The following AP4M1 variants were observed in gnomAD, a reference collection of about 807,000 sequenced individuals.
AP4M1 encodes AP-4 complex subunit mu-1.
In AP4M1, 58 loss-of-function variants were observed where a neutral mutation model predicts 62.4. The observed-to-expected ratio is 0.93, with a 90% CI of 0.75 to 1.16. The LOEUF is 1.16. AP4M1 is among the 50% of genes most tolerant of loss of function. The pLI, the probability that AP4M1 is intolerant of heterozygous loss-of-function variation, is 0.00. For synonymous variants in AP4M1, 290 were observed against 239.7 expected (o/e 1.21, Z -1.94); for missense variants, 626 against 585.4 (o/e 1.07, Z -0.72).
At chr7:100,102,409 GA>G (rs34378459) in intron 2 of AP4M1, 59,115 of 312,596 alleles carry the variant, frequency 0.19, 10 homozygotes, top group South Asian at 0.26. Flanking sequence ...TGGGGGTGGG[GA>G]AAAAAAAAAA....
At chr7:100,101,427 G>C, upstream of AP4M1, 1 of 1,243,508 alleles carries the variant, frequency 8.0e-7, no homozygotes, top group Non-Finnish European at 1.1e-6. Context: ...CACGTGACCG[G>C]CGCCACTGCG....
chr7:100,105,632 G>A (rs552922978), intron 11 of AP4M1, 93 bp downstream of exon 11: 5 of 1,302,402 alleles, frequency 3.8e-6, no homozygotes, highest in South Asian at 2.4e-5. Context: ...GGTGGTGGTA[G>A]TGGTGATGGA....
rs566928011 is a variant in AP4M1 at position 100,106,895 on chromosome 7, G to A, written c.*13G>A. ...CATTCGGATCTGAGGCTCCCCAAAC[G>A]AGGACACGACGGCCAAGGTGGCAGT... is the stretch of plus-strand genomic sequence containing the variant. On this transcript the variant is annotated 3_prime_UTR_variant, in exon 15 of 15. Coordinates refer to ENST00000359593, the MANE Select transcript of AP4M1 (RefSeq NM_004722.4). 15 of 1,609,946 alleles carry A rather than the reference G, an allele frequency of 9.3e-6. No individual in the cohort carries two copies. The highest frequency in any genetic ancestry group is 1.7e-4 in the Middle Eastern group (1 of 6,054).
Position 100,106,739 on chromosome 7 carries a change from C to A in AP4M1, c.1219C>A (p.Leu407Ile), listed in dbSNP as rs753224045. ...ASPLGLGPAS[L>I]SFELPRHTCS... ...TCCTCTGGGGCTGGGCCCTGCCAGTCTCTCCTTCGAGCTTCCCCGGCACAC... is the reference window on the plus strand; with the variant it reads ...TCCTCTGGGGCTGGGCCCTGCCAGTATCTCCTTCGAGCTTCCCCGGCACAC... Residue 407 changes from leucine (L) to isoleucine (I), a missense_variant, in exon 15 of 15, where the codon CTC becomes ATC. Physicochemically the swap from Leu to Ile is conservative, Grantham distance 5. Coordinates refer to ENST00000359593, the MANE Select transcript of AP4M1 (RefSeq NM_004722.4). The A allele has an allele frequency of 6.2e-7, 1 of 1,613,912 alleles. No homozygotes were observed. Among genetic ancestry groups the A allele is most frequent in the African/African-American group, 1.3e-5 (1 of 74,948 alleles).
At position 100,106,457 on chromosome 7, in the gene AP4M1, C is replaced by G; in HGVS notation, c.1080C>G (p.Ala360=). 6.2e-7 allele frequency: 1 copy of G among 1,613,896 alleles called. No individual in the cohort carries two copies. The highest frequency in any genetic ancestry group is 8.5e-7 in the Non-Finnish European group (1 of 1,180,026). ...AGAAGGCTGAGCTGGCAGAGGGAGCCCTTCGCTGGGACCTGCCTCGGGTGC... is the reference window on the plus strand; with the variant it reads ...AGAAGGCTGAGCTGGCAGAGGGAGCGCTTCGCTGGGACCTGCCTCGGGTGC... ...PEQKAELAEG[A]LRWDLPRVQG... The change falls in exon 14 of 15, where the codon GCC becomes GCG. Residue 360 remains alanine, a synonymous_variant. Coordinates refer to ENST00000359593, the MANE Select transcript of AP4M1 (RefSeq NM_004722.4).
upstream of AP4M1, chr7:100,100,854 C>A (rs569269175): frequency 2.9e-6 from 3 of 1,024,428 alleles, no homozygotes; most frequent in African/African-American, 5.1e-5. Flanking sequence ...CCCGGCCTGC[C>A]CGCCCCCGGG....
Position 100,106,309 on chromosome 7 carries a change from C to T in AP4M1, c.1025+18C>T, listed in dbSNP as rs564374608. The stretch of plus-strand genomic sequence containing the variant: ...GTGGTCAGGTGAGTGTGTGCACCCA[C>T]CACGGGGAGATTCCTGGGGAGAGAG... On this transcript the variant is annotated intron_variant, in intron 13 of 14. Coordinates refer to ENST00000359593, the MANE Select transcript of AP4M1 (RefSeq NM_004722.4). The T allele has an allele frequency of 1.2e-6, 2 of 1,613,892 alleles. No homozygotes were observed. The highest frequency in any genetic ancestry group is 2.2e-5 in the South Asian group (2 of 91,072).
In AP4M1 at chr7:100,101,932, G is replaced by T. The variant is rs761822316; in HGVS notation, c.111G>T (p.Leu37=). 2 of 1,613,072 alleles carry T rather than the reference G, an allele frequency of 1.2e-6. No individual in the cohort carries two copies. The highest frequency in any genetic ancestry group is 2.7e-5 in the African/African-American group (2 of 74,924). The part of the protein sequence containing the change: ...RDVAELFYRK[L]TGLPGDESPV... ...TGGCCGAGCTCTTCTACCGGAAGCT[G>T]ACGGGACTGCCAGGAGACGAGTCCC... Residue 37 remains leucine (L), a synonymous_variant, in exon 2 of 15, where the codon CTG becomes CTT. Coordinates refer to ENST00000359593, the MANE Select transcript of AP4M1 (RefSeq NM_004722.4).
rs1406077522 is a variant in AP4M1, at chr7:100,107,212, A to G, written c.*330A>G. On this transcript the variant is annotated 3_prime_UTR_variant, in exon 15 of 15. Transcript: ENST00000359593. ...TACGTGCACGTGTGTACATGTCTGC[A>G]TGTGTGGGAATCCGGGGGCTGGCAG... 1.3e-6 allele frequency: 2 copies of G among 1,518,440 alleles called. No homozygotes were observed. The highest frequency in any genetic ancestry group is 1.4e-5 in the African/African-American group (1 of 71,676). The allele number at this position is 1,518,440 out of a possible 1,614,324, so 94.1% of individuals were successfully genotyped here. A position where few individuals can be genotyped will look rare whatever the true frequency, so the allele number is the denominator to read the frequency against.
At position 100,108,551 on chromosome 7, in the gene AP4M1, G is replaced by GA. The variant is rs934943423; in HGVS notation, c.*1676dup. The GA allele has an allele frequency of 1.3e-6, 2 of 1,582,426 alleles. No individual in the cohort carries two copies. Among genetic ancestry groups the GA allele is most frequent in the East Asian group, 4.5e-5 (2 of 44,162 alleles). ...AGGAGCACAGTGTTTCTGCAGAACA[G>GA]AAAAAAAGCCAGGTAGAGGGAGGGC... On this transcript the variant is annotated 3_prime_UTR_variant, in exon 15 of 15. Transcript: ENST00000359593.
At chr7:100,101,469 A>C (rs962019494), upstream of AP4M1, 20 of 856,158 alleles carry the variant, frequency 2.3e-5, no homozygotes, top group South Asian at 1.4e-4. Context: ...GGCCTTCTTC[A>C]CCTCCCGCTA....
At chr7:100,101,316 C>T, upstream of AP4M1, 1 of 1,613,034 alleles carries the variant, frequency 6.2e-7, no homozygotes, top group East Asian at 2.2e-5. Context: ...GCCGTGCGGC[C>T]GCGCTTGGCG....
chr7:100,107,213 T>C lies in AP4M1; in HGVS notation c.*331T>C, dbSNP rs759333845. 6.6e-7 allele frequency: 1 copy of C among 1,518,582 alleles called. No individual in the cohort carries two copies. The highest frequency in any genetic ancestry group is 1.3e-5 in the South Asian group (1 of 75,344). 94.1% of individuals were successfully genotyped at this position (1,518,582 alleles called of 1,614,324 possible). ...ACGTGCACGTGTGTACATGTCTGCA[T>C]GTGTGGGAATCCGGGGGCTGGCAGG... On this transcript the variant is annotated 3_prime_UTR_variant, in exon 15 of 15. Transcript: ENST00000359593.
At position 100,107,180 on chromosome 7, in the gene AP4M1, ATGTGTGTACG is replaced by A. The variant is rs1796594284; in HGVS notation, c.*301_*310del. 68 of 1,517,948 alleles carry A rather than the reference ATGTGTGTACG, an allele frequency of 4.5e-5. No homozygotes were observed. In the South Asian group the frequency reaches 7.8e-4, roughly 17 times the overall value. 94.0% of individuals were successfully genotyped at this position (1,517,948 alleles called of 1,614,324 possible). ...ACTTCCTTCCGCTTAGCGAGCATGC[ATGTGTGTACG>A]TGCACGTGTGTACATGTCTGCATGT... is the stretch of plus-strand genomic sequence containing the variant. On this transcript the variant is annotated 3_prime_UTR_variant, in exon 15 of 15. Coordinates refer to ENST00000359593, the MANE Select transcript of AP4M1 (RefSeq NM_004722.4).
At chr7:100,101,826 G>A (rs1481482589) in intron 1 of AP4M1, 54 bp downstream of exon 1, 3 of 1,610,348 alleles carry the variant, frequency 1.9e-6, no homozygotes, top group Non-Finnish European at 2.5e-6. Context: ...CGGGAGGGGC[G>A]CCCAGGGCCA....
intron 9 of AP4M1, 54 bp from the exon 10 acceptor site, chr7:100,105,186 G>T: frequency 6.2e-7 from 1 of 1,611,616 alleles, no homozygotes; most frequent in African/African-American, 1.3e-5. Flanking sequence ...CCCTCTCCTT[G>T]CTCCTCTCCC....
chr7:100,103,380 C>A (rs1306267122), intron 4 of AP4M1, 29 bp from the exon 5 acceptor site: 3 of 1,587,366 alleles, frequency 1.9e-6, no homozygotes, highest in South Asian at 2.2e-5. Flanking sequence ...CTCCACTGAT[C>A]ACTCAGACTG....
In AP4M1 at chr7:100,107,528, C is replaced by G; in HGVS notation, c.*646C>G. 1.2e-6 allele frequency: 2 copies of G among 1,613,890 alleles called. No individual in the cohort carries two copies. Among genetic ancestry groups the G allele is most frequent in the Non-Finnish European group, 1.7e-6 (2 of 1,179,958 alleles). On this transcript the variant is annotated 3_prime_UTR_variant, in exon 15 of 15. Transcript: ENST00000359593. ...GGGGTGCGGTGGTGGCGGTGGAGAC[C>G]AACTTGACGATGGGCTGCACGCTGG...
At chr7:100,105,813 T>C in intron 11 of AP4M1, 146 bp from the exon 12 acceptor site, 1 of 1,007,102 alleles carries the variant, frequency 9.9e-7, no homozygotes, top group South Asian at 1.3e-5. Context: ...AAGCTTTGGC[T>C]AATGGAGTTG....
Sources: allele counts gnomAD v4.1 joint callset, GRCh38; gene constraint gnomAD v4.1.1; transcripts MANE v1.5; gene names NCBI Gene and HGNC (gene_info 2026-07-23, HGNC 2026-07-21).